The following ZNF821 variants were observed in gnomAD, a reference collection of about 807,000 sequenced individuals.
ZNF821 encodes the protein zinc finger protein 821.
A neutral mutation model predicts 44.3 loss-of-function variants in ZNF821; 16 were observed. That is an observed-to-expected ratio of 0.36 (90% confidence interval 0.24 to 0.55). The LOEUF (loss-of-function observed/expected upper bound fraction) is 0.55. Among genes scored for constraint, ZNF821 ranks in the 20% least tolerant of loss-of-function variants. The pLI, the probability that ZNF821 is intolerant of heterozygous loss-of-function variation, is 0.86. For synonymous variants in ZNF821, 204 were observed against 197.6 expected (o/e 1.03, Z -0.27); for missense variants, 436 against 547.6 (o/e 0.80, Z 2.03).
At chr16:71,873,844 G>A (rs2035495092) in intron 3 of ZNF821, among the ~76,000 whole-genome samples, 1 of 151,834 alleles carries the variant, frequency 6.6e-6, no homozygotes, top group Non-Finnish European at 1.5e-5. Flanking sequence ...GTAGAAATCA[G>A]GTCCCACTAT....
chr16:71,860,305 G>A lies in ZNF821; in HGVS notation c.952C>T (p.Arg318Cys), dbSNP rs746970264. 3.7e-6 allele frequency: 6 copies of A among 1,612,644 alleles called. No individual in the cohort carries two copies. The East Asian group carries it at 6.7e-5, about 18-fold the overall frequency. ...GCCTCCCGATCCCGCTGCAGCCGGC[G>A]TGCCCGCTGCTCGTCTGTCTCCTGC... ...RMQETDEQRARRLQRDREAMR... is the reference protein window; with the variant it reads ...RMQETDEQRACRLQRDREAMR... The change falls in exon 8 of 8, where the codon CGC (arginine) becomes TGC (cysteine). Residue 318 changes from arginine to cysteine, a missense_variant. Arg to Cys is a radical substitution (Grantham distance 180). Coordinates refer to ENST00000425432, the MANE Select transcript of ZNF821 (RefSeq NM_001201552.2). The surrounding 1 kb of genome is among the most constrained non-coding windows in gnomAD (Gnocchi z 7.3).
At position 71,861,919 on chromosome 16, in the gene ZNF821, G is replaced by T. The variant is rs1218393889; in HGVS notation, c.441C>A (p.Ala147=). 6.2e-7 allele frequency: 1 copy of T among 1,614,052 alleles called. No homozygotes were observed. The highest frequency in any genetic ancestry group is 1.3e-5 in the African/African-American group (1 of 74,926). The change falls in exon 7 of 8, where the codon GCC becomes GCA. Residue 147 remains alanine (A), a synonymous_variant. Coordinates refer to ENST00000425432, the MANE Select transcript of ZNF821 (RefSeq NM_001201552.2). Reference sequence around the variant, plus strand: ...CACAGACAGGACACATGTAGCTCTTGGCGCTCACCACTGCTGCAGTGTGCT... The same window carrying T: ...CACAGACAGGACACATGTAGCTCTTTGCGCTCACCACTGCTGCAGTGTGCT... ...VYQHTAAVVS[A]KSYMCPVCGR...
chr16:71,889,786 C>T (rs1191554007), upstream of ZNF821, among the ~76,000 whole-genome samples: 4 of 152,150 alleles, frequency 2.6e-5, no homozygotes, highest in Middle Eastern at 3.2e-3. Context: ...CCCATCTCTA[C>T]CAAATAAATA....
rs549632519 is a variant in ZNF821, at chr16:71,867,685, A to C, written c.166+227T>G. Among the ~76,000 whole-genome samples the C allele has an allele frequency of 8.3e-4, 125 of 149,716 alleles. 1 individual carries two copies. The South Asian group carries it at 0.021, about 25-fold the overall frequency. Reference sequence around the variant, plus strand: ...TGGGCAACAAGAGCGAAACTCTGTCACAAAAAAAAAAAAGTATATATATAT... The same window carrying C: ...TGGGCAACAAGAGCGAAACTCTGTCCCAAAAAAAAAAAAGTATATATATAT... On this transcript the variant is annotated intron_variant, in intron 4 of 7. Transcript: ENST00000425432.
At chr16:71,881,612 CTT>C in intron 2 of ZNF821, 1 of 152,296 alleles carries the variant, frequency 6.6e-6, no homozygotes, top group East Asian at 1.9e-4. Context: ...GAATATCACA[CTT>C]TGGATTTCCT....
At chr16:71,883,011 G>A in intron 2 of ZNF821, 200 bp downstream of exon 2, 2 of 431,530 alleles carry the variant, frequency 4.6e-6, no homozygotes. Flanking sequence ...GGTCTAAAGG[G>A]ATTCCATTTT....
Position 71,893,660 on chromosome 16 carries a change from T to C in ZNF821, n.448+1229A>G, listed in dbSNP as rs560630561. On this transcript the variant is annotated intron_variant and non_coding_transcript_variant, in intron 1 of 2. Transcript: ENST00000561700. ...ATTTTTAGTAGAGACGGTTTCACCA[T>C]GTTGGCCAGGCTGGTCTTGAACTTC... Among the ~76,000 whole-genome samples, 6 of 150,202 alleles carry C rather than the reference T, an allele frequency of 4.0e-5. No homozygotes were observed. In the South Asian group the frequency reaches 1.1e-3, roughly 26 times the overall value.
intron 6 of ZNF821, among the ~76,000 whole-genome samples, chr16:71,862,560 TTCTC>T (rs1253726519): frequency 2.6e-5 from 4 of 152,174 alleles, no homozygotes; most frequent in Admixed American, 6.5e-5. Flanking sequence ...CTCGGATAAT[TTCTC>T]TCTGTCTCCC....
chr16:71,864,204 G>C lies in ZNF821; in HGVS notation c.351C>G (p.Leu117=). 1 of 1,614,230 alleles carries C rather than the reference G, an allele frequency of 6.2e-7. No individual in the cohort carries two copies. Among genetic ancestry groups the C allele is most frequent in the Non-Finnish European group, 8.5e-7 (1 of 1,180,038 alleles). Residue 117 remains leucine (L), a synonymous_variant, in exon 6 of 8, where the codon CTC becomes CTG. Transcript: ENST00000425432. ...CTAGCTGGCAGAGGGGACACTGGCA[G>C]AGTTCAAGCAAGGGGTCAGAATTCA... ...GNLNSDPLLE[L]CQCPLCQLDC...
chr16:71,889,600 G>A (rs899061052), upstream of ZNF821, among the ~76,000 whole-genome samples: 1 of 152,098 alleles, frequency 6.6e-6, no homozygotes, highest in Non-Finnish European at 1.5e-5. Flanking sequence ...CTTGAACCTG[G>A]GAGGTGGAGG....
intron 2 of ZNF821, 192 bp from the exon 3 acceptor site, chr16:71,880,215 A>G: frequency 2.5e-6 from 1 of 393,026 alleles, no homozygotes; most frequent in East Asian, 4.1e-5. Context: ...AAAGTTTAAG[A>G]GGGGACTCCC....
At chr16:71,871,819 C>A (rs2035225409) in intron 3 of ZNF821, among the ~76,000 whole-genome samples, 1 of 150,876 alleles carries the variant, frequency 6.6e-6, no homozygotes, top group Admixed American at 6.6e-5. Context: ...TGTTTGTCTG[C>A]AATTTGGCTA....
At chr16:71,876,346 G>A (rs1406419475) in intron 3 of ZNF821, among the ~76,000 whole-genome samples, 1 of 151,794 alleles carries the variant, frequency 6.6e-6, no homozygotes, top group African/African-American at 2.4e-5. Context: ...TGGGATTACA[G>A]GCACCCGCCA....
upstream of ZNF821, among the ~76,000 whole-genome samples, chr16:71,888,754 C>T (rs535203697): frequency 2.6e-5 from 4 of 152,124 alleles, 1 homozygote; most frequent in South Asian, 8.3e-4. Context: ...GCTTTGAGTT[C>T]ATTTAAGGAA....
At chr16:71,886,429 T>A (rs1263893318), upstream of ZNF821, among the ~76,000 whole-genome samples, 1 of 152,248 alleles carries the variant, frequency 6.6e-6, no homozygotes, top group Admixed American at 6.5e-5. Flanking sequence ...GTTCTACATC[T>A]AGAAGACCTT....
intron 3 of ZNF821, among the ~76,000 whole-genome samples, chr16:71,878,471 T>C (rs1045035706): frequency 6.6e-6 from 1 of 152,062 alleles, no homozygotes; most frequent in Non-Finnish European, 1.5e-5. Context: ...TCCCAGATAA[T>C]AGGAAAATGG....
At chr16:71,892,162 G>T (rs2036889527) in intron 1 of ZNF821, among the ~76,000 whole-genome samples, 1 of 51,756 alleles carries the variant, frequency 1.9e-5, no homozygotes, top group Non-Finnish European at 3.4e-5. Flanking sequence ...TGGGCAACAA[G>T]AGAGAAACTC....
At chr16:71,886,372 T>C (rs2036851805), upstream of ZNF821, among the ~76,000 whole-genome samples, 1 of 152,218 alleles carries the variant, frequency 6.6e-6, no homozygotes, top group Admixed American at 6.5e-5. Flanking sequence ...CTTGTCTCTT[T>C]AAAAAAGAAG....
In ZNF821 at chr16:71,893,029, C is replaced by CTTT. The variant is rs1199482590; in HGVS notation, n.448+1857_448+1859dup. Among the ~76,000 whole-genome samples, 106 of 65,912 alleles carry CTTT rather than the reference C, an allele frequency of 1.6e-3. 11 individuals carry two copies. The highest frequency in any genetic ancestry group is 3.4e-3 in the South Asian group (4 of 1,166). 43.2% of individuals were successfully genotyped at this position (65,912 alleles called of 152,430 possible). A position where few individuals can be genotyped will look rare whatever the true frequency, so the allele number is the denominator to read the frequency against. On this transcript the variant is annotated intron_variant and non_coding_transcript_variant, in intron 1 of 2. Coordinates refer to the ZNF821 transcript ENST00000561700. ...TACAGGCATGAGCCACCCTGCCTGG[C>CTTT]TTTTTTTTTTTTTTTTTTGAGATAT...
Sources: allele counts gnomAD v4.1 joint callset (sites outside exome capture counted in the v4.1 genomes callset), GRCh38; gene constraint gnomAD v4.1.1; non-coding constraint Gnocchi (gnomAD v3.1); transcripts MANE v1.5; gene names NCBI Gene and HGNC (gene_info 2026-07-23, HGNC 2026-07-21).